The following CRK variants were observed in gnomAD, a reference collection of about 807,000 sequenced individuals.
CRK encodes CRK proto-oncogene, adaptor protein.
In CRK, 4 loss-of-function variants were observed where a neutral mutation model predicts 29.8. The observed-to-expected ratio is 0.13, with a 90% confidence interval of 0.07 to 0.31. CRK has a LOEUF of 0.31. Among genes scored for constraint, CRK ranks in the 10% least tolerant of loss-of-function variants. CRK has a pLI of 1.00. For synonymous variants in CRK, 153 were observed against 164.9 expected (o/e 0.93, Z 0.55); for missense variants, 274 against 396.5 (o/e 0.69, Z 2.62).
intron 2 of CRK, among the ~76,000 whole-genome samples, chr17:1,430,780 C>A (rs374843241): frequency 3.9e-4 from 59 of 151,990 alleles, no homozygotes; most frequent in African/African-American, 1.0e-3. Context: ...TTAAAATTAA[C>A]CCTATGGCCG....
At chr17:1,455,433 C>A (rs1486597373) in intron 1 of CRK, among the ~76,000 whole-genome samples, 2 of 152,340 alleles carry the variant, frequency 1.3e-5, no homozygotes, top group Middle Eastern at 3.4e-3. Context: ...GGGAGCACGG[C>A]CAAACCCGGC....
At chr17:1,443,449 G>A (rs913913342) in intron 1 of CRK, among the ~76,000 whole-genome samples, 40 of 152,142 alleles carry the variant, frequency 2.6e-4, no homozygotes, top group Admixed American at 1.8e-3. Context: ...AGGATGGAGG[G>A]CAGTGGTGCA....
intron 1 of CRK, among the ~76,000 whole-genome samples, chr17:1,440,971 C>G (rs186322894): frequency 2.7e-4 from 41 of 152,332 alleles, no homozygotes; most frequent in South Asian, 1.2e-3. Flanking sequence ...ACAGAGTGGT[C>G]TGGCTCTGTC....
Position 1,423,032 on chromosome 17 carries a change from C to T in CRK, c.*481G>A, listed in dbSNP as rs1486725166. ...GAATGAGTCACACGCTGGTCATGCT[C>T]CATACAATGAAAGCAATCCTGCTTG... is the stretch of plus-strand genomic sequence containing the variant. On this transcript the variant is annotated 3_prime_UTR_variant, in exon 3 of 3. Coordinates refer to ENST00000300574, the MANE Select transcript of CRK (RefSeq NM_016823.4). 3 of 400,046 alleles carry T rather than the reference C, an allele frequency of 7.5e-6. No individual in the cohort carries two copies. The highest frequency in any genetic ancestry group is 1.3e-5 in the Non-Finnish European group (3 of 226,926). 24.8% of individuals were successfully genotyped at this position (400,046 alleles called of 1,614,324 possible). A position where few individuals can be genotyped will look rare whatever the true frequency, so the allele number is the denominator to read the frequency against.
chr17:1,427,530 T>C (rs563728158), intron 2 of CRK, among the ~76,000 whole-genome samples: 12 of 151,832 alleles, frequency 7.9e-5, no homozygotes, highest in African/African-American at 2.7e-4. Flanking sequence ...GAGGCGGAGC[T>C]TGCAGTGAGC....
chr17:1,445,434 T>C (rs1402060519), intron 1 of CRK, among the ~76,000 whole-genome samples: 1 of 152,212 alleles, frequency 6.6e-6, no homozygotes, highest in Non-Finnish European at 1.5e-5. Context: ...GTGCCAGGAC[T>C]GTCCTCTATG....
rs1031925253 is a variant in CRK, at chr17:1,456,170, G to A, written c.-53C>T. 1.4e-5 allele frequency: 20 copies of A among 1,384,194 alleles called. No individual in the cohort carries two copies. The highest frequency in any genetic ancestry group is 6.2e-5 in the East Asian group (2 of 32,352). 85.7% of individuals were successfully genotyped at this position (1,384,194 alleles called of 1,614,324 possible). ...TGCCGCCGCCGCGCGCGCCCCTCCG[G>A]CCCCCGGCGCCCGCCGCCCAGCGGA... is the stretch of plus-strand genomic sequence containing the variant. On this transcript the variant is annotated 5_prime_UTR_variant, in exon 1 of 3. Transcript: ENST00000300574.
At chr17:1,449,850 C>T (rs2074003978) in intron 1 of CRK, among the ~76,000 whole-genome samples, 1 of 152,194 alleles carries the variant, frequency 6.6e-6, no homozygotes, top group African/African-American at 2.4e-5. Flanking sequence ...AAGTTAAAAA[C>T]AGGTTCAACG....
chr17:1,456,177 G>A lies in CRK; in HGVS notation c.-60C>T. 1 of 1,377,934 alleles carries A rather than the reference G, an allele frequency of 7.3e-7. No homozygotes were observed. The highest frequency in any genetic ancestry group is 9.3e-7 in the Non-Finnish European group (1 of 1,070,196). 85.4% of individuals were successfully genotyped at this position (1,377,934 alleles called of 1,614,324 possible). A position where few individuals can be genotyped will look rare whatever the true frequency, so the allele number is the denominator to read the frequency against. ...GCCGCGCGCGCCCCTCCGGCCCCCG[G>A]CGCCCGCCGCCCAGCGGACCGGCTC... On this transcript the variant is annotated 5_prime_UTR_variant, in exon 1 of 3. Coordinates refer to ENST00000300574, the MANE Select transcript of CRK (RefSeq NM_016823.4).
In CRK at chr17:1,436,687, G is replaced by A. The variant is rs747824545; in HGVS notation, c.710C>T (p.Pro237Leu). ...CTTCTGGATAACCCTGGCATATATG[G>A]GCCCATTCTGGAGGTTAGGGAGCGG... Reference protein sequence around the residue: ...NTPLPNLQNGPIYARVIQKRV... With the variant: ...NTPLPNLQNGLIYARVIQKRV... The change falls in exon 2 of 3, where the codon CCC becomes CTC. Residue 237 changes from proline (P) to leucine (L), a missense_variant. Physicochemically the swap from Pro to Leu is moderately conservative, Grantham distance 98 (BLOSUM62 -3). This residue lies in a region of CRK where 121 missense variants were observed against 154.3 expected (regional missense o/e 0.78). Coordinates refer to ENST00000300574, the MANE Select transcript of CRK (RefSeq NM_016823.4). 6.2e-7 allele frequency: 1 copy of A among 1,612,556 alleles called. No homozygotes were observed. The highest frequency in any genetic ancestry group is 8.5e-7 in the Non-Finnish European group (1 of 1,179,440).
At chr17:1,433,472 A>G (rs546050159) in intron 2 of CRK, among the ~76,000 whole-genome samples, 1 of 148,340 alleles carries the variant, frequency 6.7e-6, no homozygotes, top group African/African-American at 2.5e-5. Flanking sequence ...CAGCCTCCCA[A>G]GCAGCTGAGA....
At position 1,436,646 on chromosome 17, in the gene CRK, A is replaced by G; in HGVS notation, c.751T>C (p.Tyr251His). Residue 251 changes from tyrosine to histidine, a missense_variant, in exon 2 of 3, where the codon TAC becomes CAC. By Grantham distance (83) the Tyr-to-His change is moderately conservative. Coordinates refer to ENST00000300574, the MANE Select transcript of CRK (RefSeq NM_016823.4). ...RVIQKRVPNA[Y>H]DKTALALEVG... is the part of the protein sequence containing the mutation. ...TCCAAAGCCAAGGCTGTCTTGTCGT[A>G]GGCATTGGGGACTCGCTTCTGGATA... 1 of 1,608,960 alleles carries G rather than the reference A, an allele frequency of 6.2e-7. No individual in the cohort carries two copies. Among genetic ancestry groups the G allele is most frequent in the South Asian group, 1.1e-5 (1 of 90,436 alleles).
intron 1 of CRK, among the ~76,000 whole-genome samples, chr17:1,447,613 TTTTTTTTTTTTTTGA>T (rs2073985401): frequency 6.7e-6 from 1 of 148,734 alleles, no homozygotes; most frequent in African/African-American, 2.5e-5. Flanking sequence ...TTTCCTTTTT[TTTTTTTTTTTTTTGA>T]GACGGAGTCT....
At chr17:1,431,551 C>G (rs2073845266) in intron 2 of CRK, among the ~76,000 whole-genome samples, 1 of 151,838 alleles carries the variant, frequency 6.6e-6, no homozygotes, top group South Asian at 2.1e-4. Flanking sequence ...GAAACCCCAT[C>G]TCTACTAAAA....
rs2073743014 is a variant in CRK at position 1,423,051 on chromosome 17, C to T, written c.*462G>A. ...CATGCTCCATACAATGAAAGCAATC[C>T]TGCTTGATACTATTCACACGGTGCA... On this transcript the variant is annotated 3_prime_UTR_variant, in exon 3 of 3. Transcript: ENST00000300574. 2 of 400,556 alleles carry T rather than the reference C, an allele frequency of 5.0e-6. No homozygotes were observed. The highest frequency in any genetic ancestry group is 8.8e-6 in the Non-Finnish European group (2 of 227,142). 24.8% of individuals were successfully genotyped at this position (400,556 alleles called of 1,614,324 possible).
At chr17:1,448,594 G>A (rs2073992998) in intron 1 of CRK, among the ~76,000 whole-genome samples, 1 of 123,570 alleles carries the variant, frequency 8.1e-6, no homozygotes, top group African/African-American at 3.3e-5. Flanking sequence ...TTGCACTCCA[G>A]CCTGGGTGAG....
chr17:1,437,867 T>C (rs1453653458), intron 1 of CRK, among the ~76,000 whole-genome samples: 2 of 150,208 alleles, frequency 1.3e-5, no homozygotes, highest in Non-Finnish European at 3.0e-5. Flanking sequence ...GGTTTCACCA[T>C]GTTGGCCAGG....
At chr17:1,447,886 G>A (rs1425702990) in intron 1 of CRK, among the ~76,000 whole-genome samples, 2 of 152,054 alleles carry the variant, frequency 1.3e-5, no homozygotes, top group Admixed American at 1.3e-4. Context: ...CAAAGTGCTG[G>A]GATTACAGGC....
At chr17:1,426,534 C>A (rs1271743379) in intron 2 of CRK, 1 of 152,092 alleles carries the variant, frequency 6.6e-6, no homozygotes, top group African/African-American at 2.4e-5. Flanking sequence ...AGTTCAAGAC[C>A]AGCCTGGGCA....
Sources: gnomAD v4.1 joint callset for allele counts (sites outside exome capture counted in the v4.1 genomes callset) on GRCh38, gnomAD v4.1.1 for gene constraint, gnomAD v4.1.1 regional missense constraint, MANE v1.5 for transcripts, NCBI Gene and HGNC (gene_info 2026-07-23, HGNC 2026-07-21) for gene names.